Variants in DST observed in about 807,000 individuals in gnomAD.
DST encodes bullous pemphigoid antigen.
In DST, 253 loss-of-function variants were observed where a neutral mutation model predicts 875.2. The ratio of observed to expected loss-of-function variants is 0.29; its 90% CI spans 0.26 to 0.32. The LOEUF (loss-of-function observed/expected upper bound fraction) is 0.32. Among genes scored for constraint, DST ranks in the 10% least tolerant of loss-of-function variants. The pLI, the probability that DST is intolerant of heterozygous loss-of-function variation, is 1.00. For synonymous variants in DST, 3,124 were observed against 3,197.1 expected, an observed-to-expected ratio of 0.98 and a Z score of 0.77; for missense variants, 8,287 against 9,111.6, an observed-to-expected ratio of 0.91 and a Z score of 3.68.
In DST at chr6:56,905,376, C is replaced by T. The variant is rs115910006; in HGVS notation, c.217-4755G>A. On this transcript the variant is annotated intron_variant, in intron 2 of 103. Transcript: ENST00000680361. ...TTTAGAACTCATTCAGCTGGCGTAA[C>T]GGAAACTTTATACCCATTGAATAGC... Among the ~76,000 whole-genome samples the T allele has an allele frequency of 9.2e-3, 1,403 of 152,276 alleles. 24 individuals carry two copies. Among genetic ancestry groups the T allele is most frequent in the African/African-American group, 0.032 (1,332 of 41,556 alleles).
intron 100 of DST, 127 bp downstream of exon 100, chr6:56,464,558 C>A: frequency 2.9e-6 from 2 of 691,862 alleles, no homozygotes; most frequent in South Asian, 3.9e-5. Context: ...ACCAGCTCAG[C>A]TGGATATGAG....
rs780774323 is a variant in DST, at chr6:56,592,229, T to A, written c.12856A>T (p.Ile4286Phe). 1.9e-6 allele frequency: 3 copies of A among 1,613,554 alleles called. No individual in the cohort carries two copies. Among genetic ancestry groups the A allele is most frequent in the Admixed American group, 3.3e-5 (2 of 59,986 alleles). ...ATASKHLSEP[I>F]AVDPKNLQRQ... ...TGAAGATTTTTGGGGTCCACCGCAA[T>A]AGGTTCAGATAAGTGTTTGCTCGCT... Residue 4286 changes from isoleucine (I) to phenylalanine (F), a missense_variant, in exon 49 of 104, where the codon ATT (isoleucine) becomes TTT (phenylalanine). Coordinates refer to ENST00000680361, the MANE Select transcript of DST (RefSeq NM_001374736.1).
intron 2 of DST, among the ~76,000 whole-genome samples, chr6:56,923,286 A>T (rs539305279): frequency 6.6e-6 from 1 of 152,196 alleles, no homozygotes; most frequent in South Asian, 2.1e-4. Flanking sequence ...AAATAAGAAT[A>T]GAAGGAAACT....
At chr6:56,546,273 C>G (rs1381500985) in intron 61 of DST, among the ~76,000 whole-genome samples, 4 of 143,566 alleles carry the variant, frequency 2.8e-5, no homozygotes, top group African/African-American at 1.0e-4. Flanking sequence ...TTTCTGGTGA[C>G]AGTGAAAAAA....
intron 3 of DST, among the ~76,000 whole-genome samples, chr6:56,869,814 A>G (rs1591893117): frequency 6.6e-6 from 1 of 152,142 alleles, no homozygotes; most frequent in East Asian, 1.9e-4. Context: ...CCTCCCGAGT[A>G]GCCGAGACTA....
At chr6:56,775,183 C>A (rs2099676245) in intron 4 of DST, among the ~76,000 whole-genome samples, 2 of 152,044 alleles carry the variant, frequency 1.3e-5, no homozygotes, top group Admixed American at 6.6e-5. Context: ...TACAGTTGAT[C>A]TGGGAGAGGA....
chr6:56,929,420 A>AGG (rs1562438629), intron 2 of DST, among the ~76,000 whole-genome samples: 1 of 152,182 alleles, frequency 6.6e-6, no homozygotes. Context: ...TTCAAGATAC[A>AGG]TTGAGTGAAT....
At chr6:56,888,732 T>C (rs988077258) in intron 3 of DST, among the ~76,000 whole-genome samples, 1 of 152,210 alleles carries the variant, frequency 6.6e-6, no homozygotes, top group Non-Finnish European at 1.5e-5. Context: ...AATTTAATTA[T>C]TACAAATTAA....
intron 10 of DST, among the ~76,000 whole-genome samples, chr6:56,669,397 A>G (rs2099088224): frequency 6.6e-6 from 1 of 151,768 alleles, no homozygotes; most frequent in South Asian, 2.1e-4. Flanking sequence ...GGAGTTCAAG[A>G]CCAGCCTGGC....
At chr6:56,487,020 C>A in intron 87 of DST, 84 bp downstream of exon 87, 5 of 1,337,500 alleles carry the variant, frequency 3.7e-6, no homozygotes, top group Non-Finnish European at 5.2e-6. Context: ...ATTTAAGGTT[C>A]CCGAAATGTC....
chr6:56,611,122 C>T (rs1434220771), intron 38 of DST, among the ~76,000 whole-genome samples: 2 of 152,124 alleles, frequency 1.3e-5, no homozygotes, highest in African/African-American at 4.8e-5. Context: ...ATATGAGAAA[C>T]GAGGCTGCCA....
intron 2 of DST, among the ~76,000 whole-genome samples, chr6:56,905,233 G>A (rs751016440): frequency 3.3e-5 from 5 of 152,088 alleles, no homozygotes; most frequent in Admixed American, 2.0e-4. Flanking sequence ...GTGTGTGTGT[G>A]TTTGTGTGGT....
At chr6:56,657,785 G>A (rs1439909423) in intron 10 of DST, among the ~76,000 whole-genome samples, 1 of 151,814 alleles carries the variant, frequency 6.6e-6, no homozygotes, top group African/African-American at 2.4e-5. Context: ...TTTTTTTTGA[G>A]ACAAGAGTCT....
At chr6:56,895,061 G>C (rs1294894443) in intron 3 of DST, among the ~76,000 whole-genome samples, 1 of 108,444 alleles carries the variant, frequency 9.2e-6, no homozygotes. Flanking sequence ...TGGACGGGGC[G>C]ACTGGCCGGG....
At position 56,603,967 on chromosome 6, in the gene DST, C is replaced by T. The variant is rs1365274878; in HGVS notation, c.10661G>A (p.Ser3554Asn). The change falls in exon 40 of 104, where the codon AGC (serine) becomes AAC (asparagine). Residue 3554 changes from serine to asparagine, a missense_variant. Physicochemically the swap from Ser to Asn is conservative, Grantham distance 46 (BLOSUM62 1). Transcript: ENST00000680361. ...CAATGTTGATGCCCACACAGTAGAG[C>T]TTTCTAGTCCAATTTCTTTTACAGT... Reference protein sequence around the residue: ...LETVKEIGLESSTVWASTLPR... With the variant: ...LETVKEIGLENSTVWASTLPR... The T allele has an allele frequency of 6.2e-7, 1 of 1,610,740 alleles. No individual in the cohort carries two copies.
At chr6:56,611,378 C>A in intron 38 of DST, 130 bp downstream of exon 38, 1 of 546,422 alleles carries the variant, frequency 1.8e-6, no homozygotes, top group Non-Finnish European at 3.2e-6. Flanking sequence ...CTTTACATTA[C>A]TATATTAATT....
intron 71 of DST, among the ~76,000 whole-genome samples, chr6:56,515,924 C>A (rs2096576988): frequency 6.6e-6 from 1 of 151,980 alleles, no homozygotes; most frequent in Non-Finnish European, 1.5e-5. Flanking sequence ...TCCAGTCATT[C>A]TTACAATGGC....
rs773786162 is a variant in DST, at chr6:56,634,755, T to C, written c.3339+46A>G. On this transcript the variant is annotated intron_variant, in intron 25 of 103. Transcript: ENST00000680361. ...GCAATATGATCTCATTTACAAAATA[T>C]ATGAATAATGACAGAAACTGGTCTG... The C allele has an allele frequency of 7.5e-6, 12 of 1,608,336 alleles. No individual in the cohort carries two copies. In the Admixed American group the frequency reaches 2.0e-4, roughly 27 times the overall value.
chr6:56,562,697 C>T (rs1370010054), intron 55 of DST, among the ~76,000 whole-genome samples: 1 of 151,830 alleles, frequency 6.6e-6, no homozygotes, highest in Non-Finnish European at 1.5e-5. Context: ...ACCCGTCAAC[C>T]CATTATCTAC....
Sources: gnomAD v4.1 joint callset for allele counts (sites outside exome capture counted in the v4.1 genomes callset) on GRCh38, gnomAD v4.1.1 for gene constraint, MANE v1.5 for transcripts, NCBI Gene and HGNC (gene_info 2026-07-23, HGNC 2026-07-21) for gene names.